DSCAM: variants seen among roughly 807,000 people sequenced by gnomAD.
The protein encoded by DSCAM is cell adhesion molecule DSCAM.
In DSCAM, 47 loss-of-function variants were observed where a neutral mutation model predicts 217.7. That is an observed-to-expected ratio of 0.22 (90% CI 0.17 to 0.28). The LOEUF (loss-of-function observed/expected upper bound fraction) is 0.28, where lower values mean the gene tolerates loss of function less well. DSCAM is among the 10% of genes least tolerant of loss of function. The pLI, the probability that DSCAM is intolerant of heterozygous loss-of-function variation, is 1.00. For synonymous variants in DSCAM, 1,056 were observed against 1,015.3 expected (o/e 1.04, Z -0.76); for missense variants, 2,080 against 2,618.3 (o/e 0.79, Z 4.49).
intron 1 of DSCAM, among the ~76,000 whole-genome samples, chr21:40,741,950 AAGAT>A (rs1384576089): frequency 3.9e-5 from 6 of 152,156 alleles, no homozygotes; most frequent in African/African-American, 7.2e-5. Context: ...CTGAGAATAC[AAGAT>A]AGATAGAGAT....
intron 6 of DSCAM, among the ~76,000 whole-genome samples, chr21:40,342,649 T>TATATATATATATATATATA (rs1555907253): frequency 4.6e-4 from 18 of 38,966 alleles, no homozygotes; most frequent in South Asian, 1.4e-3. Context: ...TATATATATA[T>TATATATATATATATATATA]TTTTTTTTTT....
chr21:40,617,165 C>G (rs2089411285), intron 3 of DSCAM, among the ~76,000 whole-genome samples: 1 of 141,512 alleles, frequency 7.1e-6, no homozygotes, highest in Admixed American at 7.1e-5. Flanking sequence ...GCTCAGTTGC[C>G]CAGGCTGGAG....
intron 1 of DSCAM, among the ~76,000 whole-genome samples, chr21:40,727,841 C>T (rs1223412345): frequency 9.2e-5 from 14 of 152,198 alleles, no homozygotes; most frequent in Admixed American, 9.2e-4. Context: ...CTCACTGTTT[C>T]TTCTCTGATG....
rs559465799 is a variant in DSCAM at position 40,178,194 on chromosome 21, C to A, written c.2947+733G>T. Among the ~76,000 whole-genome samples the A allele has an allele frequency of 6.7e-4, 99 of 147,568 alleles. No homozygotes were observed. In the South Asian group the frequency reaches 0.016, roughly 25 times the overall value. On this transcript the variant is annotated intron_variant, in intron 15 of 32. Transcript: ENST00000400454. Reference sequence around the variant, plus strand: ...GTTCTCTGCACACCTGTTAATTTCACCCCCCCGGAAACATGAGTGGCTCGC... The same window carrying A: ...GTTCTCTGCACACCTGTTAATTTCAACCCCCCGGAAACATGAGTGGCTCGC...
chr21:40,340,962 C>T (rs544462976), intron 6 of DSCAM, among the ~76,000 whole-genome samples: 1 of 152,212 alleles, frequency 6.6e-6, no homozygotes, highest in East Asian at 1.9e-4. Context: ...TGGGGCTGTG[C>T]TGCAGCTCTT....
chr21:40,068,318 T>C (rs889063648), intron 27 of DSCAM, among the ~76,000 whole-genome samples: 40 of 152,058 alleles, frequency 2.6e-4, no homozygotes, highest in African/African-American at 8.5e-4. Context: ...TTGGGAGTAA[T>C]TGAGAGGTAG....
At chr21:40,193,023 C>T (rs2090968531) in intron 11 of DSCAM, among the ~76,000 whole-genome samples, 2 of 152,110 alleles carry the variant, frequency 1.3e-5, no homozygotes, top group South Asian at 4.2e-4. Context: ...AGTGGCAGCA[C>T]CATTTTGCAC....
chr21:40,353,184 C>T (rs1320646796), intron 5 of DSCAM, among the ~76,000 whole-genome samples: 1 of 152,152 alleles, frequency 6.6e-6, no homozygotes, highest in East Asian at 1.9e-4. Flanking sequence ...GAAATCATAT[C>T]TTGGAAATGT....
In DSCAM at chr21:40,599,493, C is replaced by T. The variant is rs754172436; in HGVS notation, c.508+93317G>A. Among the ~76,000 whole-genome samples, 61 of 152,028 alleles carry T rather than the reference C, an allele frequency of 4.0e-4. 1 individual carries two copies. The highest frequency in any genetic ancestry group is 6.6e-4 in the Admixed American group (10 of 15,256). On this transcript the variant is annotated intron_variant, in intron 3 of 32. Transcript: ENST00000400454. ...AGGGAAATTTATAGCACTAAATGCC[C>T]ACATCAGAAAGCCAGAAAGATCTCA...
intron 15 of DSCAM, among the ~76,000 whole-genome samples, chr21:40,170,653 C>G (rs2090647018): frequency 6.6e-6 from 1 of 152,200 alleles, no homozygotes. Context: ...AATAAAAACT[C>G]ATGGAATGGA....
At chr21:40,779,110 C>T (rs897927349) in intron 1 of DSCAM, among the ~76,000 whole-genome samples, 3 of 148,824 alleles carry the variant, frequency 2.0e-5, no homozygotes, top group African/African-American at 7.4e-5. Flanking sequence ...CATGGAAGGG[C>T]TCAGAAAAGA....
intron 3 of DSCAM, among the ~76,000 whole-genome samples, chr21:40,620,228 AAGAAAGAAAG>A (rs1168985298): frequency 2.3e-5 from 2 of 88,686 alleles, no homozygotes; most frequent in Non-Finnish European, 5.1e-5. Context: ...AAAAAAGAAA[AAGAAAGAAAG>A]AGAGAGAAAG....
chr21:40,409,536 G>C (rs1211463081), intron 3 of DSCAM, among the ~76,000 whole-genome samples: 1 of 152,214 alleles, frequency 6.6e-6, no homozygotes, highest in African/African-American at 2.4e-5. Context: ...GAGGTGGACA[G>C]ATCCTGAGTT....
At position 40,300,725 on chromosome 21, in the gene DSCAM, G is replaced by C. The variant is rs76034353; in HGVS notation, c.2063-4551C>G. Among the ~76,000 whole-genome samples the C allele has an allele frequency of 9.0e-3, 1,365 of 152,298 alleles. 15 individuals are homozygous for C. Among genetic ancestry groups the C allele is most frequent in the African/African-American group, 0.03 (1,234 of 41,562 alleles). On this transcript the variant is annotated intron_variant, in intron 9 of 32. Coordinates refer to ENST00000400454, the MANE Select transcript of DSCAM (RefSeq NM_001389.5). ...ATTATGAGGCCTGCTCTGTGCCTGC[G>C]CTTCTCAAACATTAGAGGGCATCAG... is the stretch of plus-strand genomic sequence containing the variant.
chr21:40,062,159 G>A (rs1054458313), intron 28 of DSCAM, among the ~76,000 whole-genome samples: 1 of 152,214 alleles, frequency 6.6e-6, no homozygotes, highest in African/African-American at 2.4e-5. Flanking sequence ...TTGGGGACGT[G>A]AAAGTAACAC....
At chr21:40,604,891 C>T (rs1239864980) in intron 3 of DSCAM, among the ~76,000 whole-genome samples, 1 of 152,126 alleles carries the variant, frequency 6.6e-6, no homozygotes, top group Non-Finnish European at 1.5e-5. Flanking sequence ...AGCTTTTCTT[C>T]CTCCTCCTAT....
intron 19 of DSCAM, among the ~76,000 whole-genome samples, chr21:40,125,813 G>A (rs942037923): frequency 6.6e-6 from 1 of 152,124 alleles, no homozygotes; most frequent in Non-Finnish European, 1.5e-5. Flanking sequence ...GAGCTGCCAG[G>A]GTTCCTCCTG....
chr21:40,719,065 G>A lies in DSCAM; in HGVS notation c.44-10294C>T, dbSNP rs552849308. On this transcript the variant is annotated intron_variant, in intron 1 of 32. Transcript: ENST00000400454. ...CCAGAATTGGAAGTTGCAGTGAGCC[G>A]AGATCGCACCACTGCACTCCAGCCT... is the stretch of plus-strand genomic sequence containing the variant. Among the ~76,000 whole-genome samples the A allele has an allele frequency of 4.1e-4, 62 of 152,076 alleles. 1 individual carries two copies. The East Asian group carries it at 0.011, about 27-fold the overall frequency.
At chr21:40,061,774 C>T (rs897500889) in intron 28 of DSCAM, among the ~76,000 whole-genome samples, 4 of 151,972 alleles carry the variant, frequency 2.6e-5, no homozygotes, top group African/African-American at 9.7e-5. Flanking sequence ...ACAAAGAGTA[C>T]TAATTTTATA....
Sources: gnomAD v4.1 joint callset for allele counts (sites outside exome capture counted in the v4.1 genomes callset) on GRCh38, gnomAD v4.1.1 for gene constraint, MANE v1.5 for transcripts, NCBI Gene and HGNC (gene_info 2026-07-23, HGNC 2026-07-21) for gene names.